The following RALGPS1 variants were observed in gnomAD, a reference collection of about 807,000 sequenced individuals.
The protein encoded by RALGPS1 is ras-specific guanine nucleotide-releasing factor RalGPS1.
A neutral mutation model predicts 78.8 loss-of-function variants in RALGPS1; 19 were observed. The ratio of observed to expected loss-of-function variants is 0.24; its 90% confidence interval spans 0.17 to 0.35. The LOEUF (loss-of-function observed/expected upper bound fraction) is 0.35. RALGPS1 is among the 10% of genes least tolerant of loss of function. The probability of loss-of-function intolerance (pLI) is 1.00; values close to 1 mark genes in which losing one functional copy is unlikely to be tolerated. For missense variants in RALGPS1, 454 were observed against 688.3 expected (o/e 0.66, Z 3.81); for synonymous variants, 228 against 256.3 (o/e 0.89, Z 1.06).
chr9:127,078,732 G>T (rs896709480), intron 8 of RALGPS1, among the ~76,000 whole-genome samples: 1 of 152,322 alleles, frequency 6.6e-6, no homozygotes, highest in East Asian at 1.9e-4. Flanking sequence ...CGAGGTATGA[G>T]CATAAGCCCA....
intron 5 of RALGPS1, among the ~76,000 whole-genome samples, chr9:127,048,816 A>G (rs2048043291): frequency 6.6e-6 from 1 of 152,208 alleles, no homozygotes; most frequent in African/African-American, 2.4e-5. Context: ...TCTGAGCTTA[A>G]TTGTGGGCAA....
At chr9:126,931,306 A>T (rs999174380) in intron 1 of RALGPS1, among the ~76,000 whole-genome samples, 8 of 152,214 alleles carry the variant, frequency 5.3e-5, no homozygotes, top group African/African-American at 1.9e-4. Flanking sequence ...GAGAGGGAGG[A>T]TGACTGCTAG....
At chr9:127,007,464 G>T (rs1272968691) in intron 4 of RALGPS1, among the ~76,000 whole-genome samples, 4 of 152,202 alleles carry the variant, frequency 2.6e-5, no homozygotes, top group Non-Finnish European at 1.5e-5. Context: ...ATAAAGAATG[G>T]TAGGGGCTGT....
At chr9:127,039,804 G>C (rs189074545) in intron 5 of RALGPS1, among the ~76,000 whole-genome samples, 1 of 152,046 alleles carries the variant, frequency 6.6e-6, no homozygotes, top group Non-Finnish European at 1.5e-5. Context: ...GGAGTGGGGC[G>C]AGAAGATTGA....
chr9:127,146,477 C>T (rs979822107), intron 8 of RALGPS1, among the ~76,000 whole-genome samples: 1 of 151,116 alleles, frequency 6.6e-6, no homozygotes, highest in African/African-American at 2.4e-5. Flanking sequence ...TTGATGGGCA[C>T]CTGGGTTGAT....
intron 2 of RALGPS1, among the ~76,000 whole-genome samples, chr9:126,965,273 A>T (rs2039364930): frequency 6.6e-6 from 1 of 152,226 alleles, no homozygotes; most frequent in South Asian, 2.1e-4. Flanking sequence ...AGTGCCCCGC[A>T]TGATAAATAA....
intron 4 of RALGPS1, among the ~76,000 whole-genome samples, chr9:127,029,392 C>T (rs752701780): frequency 3.3e-5 from 5 of 152,126 alleles, no homozygotes; most frequent in Non-Finnish European, 5.9e-5. Flanking sequence ...ACCAGTTCTT[C>T]TGAAGATGAT....
intron 12 of RALGPS1, among the ~76,000 whole-genome samples, chr9:127,196,236 A>C (rs1034486013): frequency 6.6e-6 from 1 of 152,144 alleles, no homozygotes; most frequent in African/African-American, 2.4e-5. Flanking sequence ...CACCAGGGGG[A>C]TGGGCAGGGC....
intron 1 of RALGPS1, among the ~76,000 whole-genome samples, chr9:126,960,913 C>G (rs2132094594): frequency 6.6e-6 from 1 of 152,282 alleles, no homozygotes; most frequent in Non-Finnish European, 1.5e-5. Context: ...ACTTCAGTGC[C>G]TGGGGAGTCT....
intron 8 of RALGPS1, among the ~76,000 whole-genome samples, chr9:127,152,674 T>A (rs547137468): frequency 6.6e-6 from 1 of 152,302 alleles, no homozygotes; most frequent in Admixed American, 6.5e-5. Flanking sequence ...ATTTCTTAGA[T>A]CCTAGCACTA....
intron 4 of RALGPS1, among the ~76,000 whole-genome samples, chr9:127,009,484 C>T (rs996463061): frequency 2.0e-5 from 3 of 152,176 alleles, no homozygotes; most frequent in South Asian, 2.1e-4. Flanking sequence ...TATAAATATC[C>T]CCTTTTAGCA....
chr9:127,050,568 AC>A (rs979223395), intron 6 of RALGPS1, among the ~76,000 whole-genome samples: 1 of 151,898 alleles, frequency 6.6e-6, no homozygotes, highest in Non-Finnish European at 1.5e-5. Context: ...CAGTCAGCAC[AC>A]CCCACCCACC....
At chr9:126,968,288 A>G (rs950576851) in intron 3 of RALGPS1, among the ~76,000 whole-genome samples, 1 of 152,276 alleles carries the variant, frequency 6.6e-6, no homozygotes, top group Non-Finnish European at 1.5e-5. Context: ...TACAGGCATG[A>G]GCCACCGCAC....
chr9:127,073,297 A>G (rs2050366197), intron 8 of RALGPS1, among the ~76,000 whole-genome samples: 1 of 152,118 alleles, frequency 6.6e-6, no homozygotes, highest in Non-Finnish European at 1.5e-5. Context: ...CCATAAGATC[A>G]GCTTTTTTAG....
chr9:126,999,800 C>G (rs1588936716), intron 4 of RALGPS1, among the ~76,000 whole-genome samples: 1 of 152,232 alleles, frequency 6.6e-6, no homozygotes, highest in Non-Finnish European at 1.5e-5. Flanking sequence ...ATGCAGATTT[C>G]TGTGTGAACA....
At chr9:127,155,226 C>G (rs1353889766) in intron 8 of RALGPS1, among the ~76,000 whole-genome samples, 1 of 152,174 alleles carries the variant, frequency 6.6e-6, no homozygotes, top group Non-Finnish European at 1.5e-5. Context: ...ACATGGGGTC[C>G]ATTCATTTCC....
At chr9:126,976,575 G>T (rs938642386) in intron 3 of RALGPS1, among the ~76,000 whole-genome samples, 1 of 152,106 alleles carries the variant, frequency 6.6e-6, no homozygotes. Flanking sequence ...TTCTAGATGT[G>T]GTACCTGACT....
chr9:127,098,964 A>T (rs553133981), intron 8 of RALGPS1, among the ~76,000 whole-genome samples: 2 of 152,316 alleles, frequency 1.3e-5, no homozygotes, highest in African/African-American at 4.8e-5. Flanking sequence ...CCCTCTTACT[A>T]GGAAAACATG....
intron 11 of RALGPS1, among the ~76,000 whole-genome samples, chr9:127,192,086 A>G (rs1365131258): frequency 1.3e-5 from 2 of 152,214 alleles, no homozygotes; most frequent in African/African-American, 4.8e-5. Flanking sequence ...AGGCGGTGAC[A>G]TGGTTAGCTT....
Sources: allele counts gnomAD v4.1 joint callset (sites outside exome capture counted in the v4.1 genomes callset), GRCh38; gene constraint gnomAD v4.1.1; transcripts MANE v1.5; gene names NCBI Gene and HGNC (gene_info 2026-07-23, HGNC 2026-07-21).